The following GRIK2 variants were observed in gnomAD, a reference collection of about 807,000 sequenced individuals.
GRIK2 encodes glutamate ionotropic receptor kainate type subunit 2.
Under a neutral mutation model 100.3 loss-of-function variants are expected in GRIK2, and 32 were observed. The observed-to-expected ratio is 0.32, with a 90% CI of 0.24 to 0.43. The LOEUF is 0.43. Ranked by LOEUF, GRIK2 falls within the 20% of genes least tolerant of loss-of-function variation. The pLI, the probability that GRIK2 is intolerant of heterozygous loss-of-function variation, is 1.00. For synonymous variants in GRIK2, 417 were observed against 389.4 expected (o/e 1.07, Z -0.83); for missense variants, 843 against 1,114.9 (o/e 0.76, Z 3.47).
At chr6:101,583,506 C>A (rs1778201752) in intron 2 of GRIK2, among the ~76,000 whole-genome samples, 1 of 152,078 alleles carries the variant, frequency 6.6e-6, no homozygotes, top group Non-Finnish European at 1.5e-5. Flanking sequence ...CTGATGCTTG[C>A]AATTCAAAGA....
At chr6:101,400,745 T>C (rs1055966478) in intron 2 of GRIK2, among the ~76,000 whole-genome samples, 3 of 152,184 alleles carry the variant, frequency 2.0e-5, no homozygotes, top group Non-Finnish European at 4.4e-5. Context: ...ATGTTTCACA[T>C]ACATTCAAAA....
At chr6:101,879,171 C>G (rs1786071489) in intron 11 of GRIK2, among the ~76,000 whole-genome samples, 1 of 151,996 alleles carries the variant, frequency 6.6e-6, no homozygotes, top group Non-Finnish European at 1.5e-5. Flanking sequence ...CAAGGTAAAC[C>G]ATATTACTGT....
chr6:101,948,868 G>T (rs983223062), intron 14 of GRIK2, among the ~76,000 whole-genome samples: 1 of 152,004 alleles, frequency 6.6e-6, no homozygotes, highest in East Asian at 1.9e-4. Context: ...CCAATATGAG[G>T]CAAACTCAGG....
intron 7 of GRIK2, among the ~76,000 whole-genome samples, chr6:101,707,592 GTGTATATA>G (rs1773413803): frequency 7.8e-6 from 1 of 128,218 alleles, no homozygotes; most frequent in Non-Finnish European, 1.6e-5. Context: ...GTGTGTGTGT[GTGTATATA>G]TGTGTGTATA....
At chr6:101,773,210 G>A (rs1192921226) in intron 7 of GRIK2, among the ~76,000 whole-genome samples, 1 of 152,200 alleles carries the variant, frequency 6.6e-6, no homozygotes, top group African/African-American at 2.4e-5. Context: ...GCCAGGTGCT[G>A]TGGCTCATGC....
At chr6:101,404,891 T>A (rs145027962) in intron 2 of GRIK2, among the ~76,000 whole-genome samples, 1 of 152,302 alleles carries the variant, frequency 6.6e-6, no homozygotes, top group African/African-American at 2.4e-5. Flanking sequence ...CTAGTCTAGA[T>A]TAAACACTGA....
At chr6:102,029,718 G>T (rs1026947329) in intron 14 of GRIK2, among the ~76,000 whole-genome samples, 1 of 151,010 alleles carries the variant, frequency 6.6e-6, no homozygotes, top group African/African-American at 2.4e-5. Flanking sequence ...CTAAATCCTC[G>T]TTTATTCTAC....
At chr6:101,600,235 C>T (rs1241966583) in intron 2 of GRIK2, among the ~76,000 whole-genome samples, 1 of 151,800 alleles carries the variant, frequency 6.6e-6, no homozygotes, top group Non-Finnish European at 1.5e-5. Flanking sequence ...TTTCTGGGTT[C>T]TCCGTTCTTT....
At chr6:101,772,889 A>C (rs1490335481) in intron 7 of GRIK2, among the ~76,000 whole-genome samples, 1 of 152,062 alleles carries the variant, frequency 6.6e-6, no homozygotes, top group African/African-American at 2.4e-5. Flanking sequence ...CCACTCACAT[A>C]CTGTAAGTAC....
chr6:101,944,438 C>T (rs1562502266), intron 14 of GRIK2, among the ~76,000 whole-genome samples: 1 of 152,076 alleles, frequency 6.6e-6, no homozygotes, highest in Non-Finnish European at 1.5e-5. Context: ...GACTCATTGC[C>T]AGTTTGTAGA....
chr6:101,627,626 A>G (rs528848144), intron 4 of GRIK2, among the ~76,000 whole-genome samples: 2 of 152,286 alleles, frequency 1.3e-5, no homozygotes, highest in South Asian at 4.1e-4. Context: ...AGGCATGTTA[A>G]GGTTAGAAAA....
Position 101,859,317 on chromosome 6 carries a change from G to A in GRIK2, c.1348G>A (p.Asp450Asn). 6.2e-7 allele frequency: 1 copy of A among 1,602,092 alleles called. No individual in the cohort carries two copies. Among genetic ancestry groups the A allele is most frequent in the Non-Finnish European group, 8.6e-7 (1 of 1,169,514 alleles). ...GCCTTATGTCCTTTTTAAGAAGTCT[G>A]ACAAACCTCTCTATGGTAATGATCG... Reference protein sequence around the residue: ...EEPYVLFKKSDKPLYGNDRFE... With the variant: ...EEPYVLFKKSNKPLYGNDRFE... Residue 450 changes from aspartate to asparagine, a missense_variant, in exon 11 of 17, where the codon GAC becomes AAC. By Grantham distance (23) the Asp-to-Asn change is conservative (BLOSUM62 1). Transcript: ENST00000369134.
intron 4 of GRIK2, among the ~76,000 whole-genome samples, chr6:101,632,146 G>C (rs938627779): frequency 2.6e-5 from 4 of 152,018 alleles, no homozygotes; most frequent in Non-Finnish European, 5.9e-5. Context: ...CATCCGGCTT[G>C]GGTGTCACAA....
chr6:101,587,826 A>G (rs1413074429), intron 2 of GRIK2, among the ~76,000 whole-genome samples: 1 of 152,122 alleles, frequency 6.6e-6, no homozygotes, highest in Non-Finnish European at 1.5e-5. Context: ...GCCAACAAAG[A>G]CTGCAGAGGT....
intron 14 of GRIK2, among the ~76,000 whole-genome samples, chr6:102,030,316 A>G (rs565707018): frequency 6.6e-6 from 1 of 151,338 alleles, no homozygotes; most frequent in Admixed American, 6.6e-5. Context: ...AACATGCTCA[A>G]ATCTCTTCAA....
chr6:101,889,063 A>G (rs1453057181), intron 11 of GRIK2, among the ~76,000 whole-genome samples: 2 of 152,094 alleles, frequency 1.3e-5, no homozygotes, highest in Non-Finnish European at 2.9e-5. Context: ...TATAAAACAA[A>G]TTAGAGGGAT....
chr6:101,487,433 T>G (rs1305788943), intron 2 of GRIK2, among the ~76,000 whole-genome samples: 5 of 146,412 alleles, frequency 3.4e-5, no homozygotes. Context: ...CACCACAGTG[T>G]TATTGTAAAG....
intron 2 of GRIK2, among the ~76,000 whole-genome samples, chr6:101,607,521 A>C (rs1475599761): frequency 6.6e-6 from 1 of 152,056 alleles, no homozygotes; most frequent in Non-Finnish European, 1.5e-5. Flanking sequence ...AGGTAGAAAG[A>C]GAGCTTGCTT....
chr6:101,425,480 T>C (rs1776655337), intron 2 of GRIK2, among the ~76,000 whole-genome samples: 2 of 152,268 alleles, frequency 1.3e-5, no homozygotes, highest in South Asian at 4.1e-4. Flanking sequence ...CAAGAGCAAC[T>C]TCACACAACT....
Sources: gnomAD v4.1 joint callset for allele counts (sites outside exome capture counted in the v4.1 genomes callset) on GRCh38, gnomAD v4.1.1 for gene constraint, MANE v1.5 for transcripts, NCBI Gene and HGNC (gene_info 2026-07-23, HGNC 2026-07-21) for gene names.